DPYD: variants seen among roughly 807,000 people sequenced by gnomAD.
The protein encoded by DPYD is dihydropyrimidine dehydrogenase, also known as dihydropyrimidine dehydrogenase [NADP(+)].
A neutral mutation model predicts 116.2 loss-of-function variants in DPYD; 109 were observed. That is an observed-to-expected ratio of 0.94 (90% confidence interval 0.80 to 1.10). The LOEUF (loss-of-function observed/expected upper bound fraction) is 1.10, where lower values mean the gene tolerates loss of function less well. Ranked by LOEUF, DPYD falls within the 50% of genes least tolerant of loss-of-function variation. The pLI, the probability that DPYD is intolerant of heterozygous loss-of-function variation, is 0.00. For synonymous variants in DPYD, 440 were observed against 432.0 expected (o/e 1.02, Z -0.23); for missense variants, 1,302 against 1,254.5 (o/e 1.04, Z -0.57).
At chr1:97,830,327 A>G (rs1205490939) in intron 2 of DPYD, among the ~76,000 whole-genome samples, 1 of 152,202 alleles carries the variant, frequency 6.6e-6, no homozygotes, top group Non-Finnish European at 1.5e-5. Context: ...TTTAAGGTCC[A>G]TTCCTAGCAT....
intron 7 of DPYD, among the ~76,000 whole-genome samples, chr1:97,681,667 A>T (rs963204193): frequency 6.6e-6 from 1 of 152,166 alleles, no homozygotes; most frequent in African/African-American, 2.4e-5. Flanking sequence ...TCTAATAGTG[A>T]GGCTTTAGAA....
At chr1:97,338,170 G>A (rs979901218) in intron 16 of DPYD, among the ~76,000 whole-genome samples, 1 of 152,052 alleles carries the variant, frequency 6.6e-6, no homozygotes, top group East Asian at 1.9e-4. Context: ...CTGAGACATT[G>A]GGAAAATTAG....
At chr1:97,363,848 A>G (rs1035416064) in intron 16 of DPYD, among the ~76,000 whole-genome samples, 1 of 152,164 alleles carries the variant, frequency 6.6e-6, no homozygotes, top group African/African-American at 2.4e-5. Flanking sequence ...AATACCTAAT[A>G]TAAATGATGA....
intron 14 of DPYD, among the ~76,000 whole-genome samples, chr1:97,387,816 G>A (rs1672438835): frequency 6.6e-6 from 1 of 152,080 alleles, no homozygotes; most frequent in African/African-American, 2.4e-5. Flanking sequence ...GAGAGGACAG[G>A]AATAGTATGA....
At chr1:97,527,997 T>A (rs1649282636) in intron 12 of DPYD, among the ~76,000 whole-genome samples, 1 of 152,156 alleles carries the variant, frequency 6.6e-6, no homozygotes, top group African/African-American at 2.4e-5. Flanking sequence ...ACAGCTGCTA[T>A]AGAAACATCC....
intron 20 of DPYD, among the ~76,000 whole-genome samples, chr1:97,135,746 C>T (rs1653737619): frequency 6.6e-6 from 1 of 152,060 alleles, no homozygotes; most frequent in Non-Finnish European, 1.5e-5. Flanking sequence ...TATACTCACC[C>T]CACATGGGTA....
chr1:97,597,421 C>T (rs1011326079), intron 8 of DPYD, among the ~76,000 whole-genome samples: 13 of 152,120 alleles, frequency 8.5e-5, no homozygotes, highest in Non-Finnish European at 1.9e-4. Flanking sequence ...ACTAGACAGA[C>T]TTTGGTATGA....
At chr1:97,085,955 G>A (rs1649482915) in intron 21 of DPYD, among the ~76,000 whole-genome samples, 1 of 152,200 alleles carries the variant, frequency 6.6e-6, no homozygotes. Context: ...TAATGTAGGT[G>A]TTCAAGGAAT....
chr1:97,648,937 C>G (rs1053510470), intron 8 of DPYD, among the ~76,000 whole-genome samples: 16 of 151,944 alleles, frequency 1.1e-4, no homozygotes, highest in African/African-American at 3.9e-4. Flanking sequence ...CCCTCAGTGT[C>G]CTATATTGAA....
intron 16 of DPYD, among the ~76,000 whole-genome samples, chr1:97,371,596 G>C (rs1473187326): frequency 6.6e-6 from 1 of 152,212 alleles, no homozygotes; most frequent in African/African-American, 2.4e-5. Context: ...CAGAAAGTCA[G>C]AGTCACAGAA....
At chr1:97,219,916 C>T (rs1461545559) in intron 19 of DPYD, among the ~76,000 whole-genome samples, 1 of 152,144 alleles carries the variant, frequency 6.6e-6, no homozygotes, top group Non-Finnish European at 1.5e-5. Context: ...TCATTCTCAC[C>T]TCTGTTCAGT....
intron 1 of DPYD, among the ~76,000 whole-genome samples, chr1:97,897,786 T>C (rs1331740151): frequency 1.3e-5 from 2 of 151,922 alleles, no homozygotes; most frequent in Non-Finnish European, 2.9e-5. Context: ...TTAATGTTCT[T>C]CTCTGCTAAT....
intron 12 of DPYD, among the ~76,000 whole-genome samples, chr1:97,544,707 G>T (rs556186302): frequency 1.3e-5 from 2 of 149,086 alleles, no homozygotes; most frequent in Admixed American, 6.7e-5. Flanking sequence ...CCTTTAGAAT[G>T]ATATTGTGAA....
chr1:97,911,935 C>G (rs566441048), intron 1 of DPYD, among the ~76,000 whole-genome samples: 1 of 152,060 alleles, frequency 6.6e-6, no homozygotes, highest in Non-Finnish European at 1.5e-5. Context: ...AAATTAGGAA[C>G]CATGCACGCT....
rs1202610559 is a variant in DPYD, at chr1:97,709,170, C to T, written c.484-9623G>A. Among the ~76,000 whole-genome samples the T allele has an allele frequency of 2.0e-5, 3 of 151,674 alleles. No individual in the cohort carries two copies. The East Asian group carries it at 5.8e-4, about 29-fold the overall frequency. The stretch of plus-strand genomic sequence containing the variant: ...GTATTCTTTTTAAGGTGTTCCCTTC[C>T]CTACAAATATTGTATCACTTGGACT... On this transcript the variant is annotated intron_variant, in intron 5 of 22. Transcript: ENST00000370192.
chr1:97,876,838 A>G (rs1372474273), intron 2 of DPYD, among the ~76,000 whole-genome samples: 5 of 152,006 alleles, frequency 3.3e-5, no homozygotes, highest in Non-Finnish European at 7.4e-5. Context: ...TTGACAGTGG[A>G]TTTAGGAGGA....
intron 8 of DPYD, among the ~76,000 whole-genome samples, chr1:97,629,905 A>T (rs1472003904): frequency 6.6e-6 from 1 of 152,048 alleles, no homozygotes; most frequent in Non-Finnish European, 1.5e-5. Flanking sequence ...CCACTAACCT[A>T]TTACCCATTT....
At chr1:97,788,431 CAACT>C (rs1408143028) in intron 3 of DPYD, among the ~76,000 whole-genome samples, 11 of 152,206 alleles carry the variant, frequency 7.2e-5, no homozygotes, top group Admixed American at 5.9e-4. Flanking sequence ...CGATCAGTAC[CAACT>C]GTCAACTACA....
rs376073289 is a variant in DPYD at position 97,699,408 on chromosome 1, C to T, written c.623G>A (p.Arg208Gln). The T allele has an allele frequency of 4.3e-6, 7 of 1,613,494 alleles. No homozygotes were observed. The highest frequency in any genetic ancestry group is 5.9e-6 in the Non-Finnish European group (7 of 1,179,686). ...ASISCASFLA[R>Q]LGYSDITIFE... The stretch of plus-strand genomic sequence containing the variant: ...TATAGTGATGTCAGAGTACCCCAAT[C>T]GAGCCAAAAAGGAAGCACAACTTAT... The change falls in exon 6 of 23, where the codon CGA becomes CAA. Residue 208 changes from arginine to glutamine, a missense_variant. By Grantham distance (43) the Arg-to-Gln change is conservative. Transcript: ENST00000370192.
Sources: gnomAD v4.1 joint callset for allele counts (sites outside exome capture counted in the v4.1 genomes callset) on GRCh38, gnomAD v4.1.1 for gene constraint, MANE v1.5 for transcripts, NCBI Gene and HGNC (gene_info 2026-07-23, HGNC 2026-07-21) for gene names.